FGD6: variants seen among roughly 807,000 people sequenced by gnomAD.
FGD6 encodes FYVE, RhoGEF and PH domain containing 6.
A neutral mutation model predicts 149.4 loss-of-function variants in FGD6; 90 were observed. The ratio of observed to expected loss-of-function variants is 0.60; its 90% CI spans 0.51 to 0.72. FGD6 has a LOEUF of 0.72. FGD6 is among the 30% of genes least tolerant of loss of function. FGD6 has a pLI of 0.00. For synonymous variants in FGD6, 527 were observed against 584.0 expected (o/e 0.90, Z 1.41); for missense variants, 1,437 against 1,684.8 (o/e 0.85, Z 2.57).
chr12:95,101,681 CTTTTTTTTTTTT>C (rs757955014), intron 14 of FGD6, among the ~76,000 whole-genome samples: 1 of 107,808 alleles, frequency 9.3e-6, no homozygotes, highest in South Asian at 3.2e-4. Flanking sequence ...TTTGAACTTT[CTTTTTTTTTTTT>C]TTTTTTTTGA....
chr12:95,149,271 T>TATATAATATTATATATATTATATA (rs1565908975), intron 5 of FGD6, among the ~76,000 whole-genome samples: 1 of 6,822 alleles, frequency 1.5e-4, no homozygotes, highest in Non-Finnish European at 1.8e-4. Flanking sequence ...TATATTATAT[T>TATATAATATTATATATATTATATA]ACATATAGCA....
At chr12:95,164,582 T>C (rs1314282757) in intron 3 of FGD6, among the ~76,000 whole-genome samples, 1 of 151,968 alleles carries the variant, frequency 6.6e-6, no homozygotes, top group Non-Finnish European at 1.5e-5. Context: ...AGGTACACAC[T>C]GCTGTGCCTA....
At chr12:95,104,368 G>A (rs1478838991) in intron 14 of FGD6, among the ~76,000 whole-genome samples, 3 of 152,138 alleles carry the variant, frequency 2.0e-5, no homozygotes, top group African/African-American at 7.2e-5. Flanking sequence ...GGAAGCTAAG[G>A]TGGGAAGATT....
chr12:95,121,718 T>TGC (rs1555218236), intron 8 of FGD6, among the ~76,000 whole-genome samples: 2 of 151,816 alleles, frequency 1.3e-5, no homozygotes, highest in Admixed American at 6.6e-5. Context: ...TGCAGTGGCA[T>TGC]GATCTTGGCT....
chr12:95,085,469 G>A (rs1361974301), intron 19 of FGD6: 1 of 323,132 alleles, frequency 3.1e-6, no homozygotes, highest in Non-Finnish European at 5.5e-6. Context: ...CTCCCAAAGT[G>A]CTGGGATTAC....
chr12:95,213,954 T>C (rs1312065340), intron 1 of FGD6, among the ~76,000 whole-genome samples: 2 of 152,254 alleles, frequency 1.3e-5, no homozygotes, highest in Non-Finnish European at 2.9e-5. Flanking sequence ...TGTACAGACC[T>C]GGCTGCCTCA....
At chr12:95,164,366 T>C (rs7308154) in intron 3 of FGD6, among the ~76,000 whole-genome samples, 12,244 of 151,862 alleles carry the variant, frequency 0.081, 735 homozygotes, top group Non-Finnish European at 0.1. Context: ...CTCAGCAGCT[T>C]TGTAAATTCT....
intron 18 of FGD6, 147 bp downstream of exon 18, chr12:95,089,422 C>T: frequency 2.0e-6 from 2 of 1,002,494 alleles, no homozygotes; most frequent in East Asian, 2.7e-5. Context: ...GATTGTGAGG[C>T]ATCAGCCACA....
intron 3 of FGD6, among the ~76,000 whole-genome samples, chr12:95,158,253 C>T (rs138540798): frequency 0.018 from 2,665 of 150,538 alleles, 81 homozygotes; most frequent in African/African-American, 0.06. Context: ...CTGCAATCTC[C>T]GCCTCTTGGG....
rs1471502058 is a variant in FGD6, at chr12:95,083,032, C to CACACAT, written c.4256+1465_4256+1466insATGTGT. Among the ~76,000 whole-genome samples the CACACAT allele has an allele frequency of 9.4e-3, 694 of 73,654 alleles. 6 individuals are homozygous for CACACAT. Among genetic ancestry groups the CACACAT allele is most frequent in the Middle Eastern group, 0.017 (2 of 116 alleles). The allele number at this position is 73,654 out of a possible 152,430, so 48.3% of individuals were successfully genotyped here. On this transcript the variant is annotated intron_variant, in intron 20 of 20. Transcript: ENST00000343958. ...AAAAAAATATATATATATATATATA[C>CACACAT]ACACACATACACACACACACACACA...
intron 8 of FGD6, among the ~76,000 whole-genome samples, chr12:95,119,669 A>G (rs767533510): frequency 6.6e-6 from 1 of 152,140 alleles, no homozygotes; most frequent in Non-Finnish European, 1.5e-5. Context: ...GGTGGCTTAC[A>G]CCTGTAATCT....
At chr12:95,116,620 A>G (rs2136246080) in intron 8 of FGD6, among the ~76,000 whole-genome samples, 1 of 152,344 alleles carries the variant, frequency 6.6e-6, no homozygotes, top group East Asian at 1.9e-4. Flanking sequence ...TACACTGAGC[A>G]GAAAACCCAC....
chr12:95,213,736 G>A (rs2056739287), intron 1 of FGD6, among the ~76,000 whole-genome samples: 1 of 152,150 alleles, frequency 6.6e-6, no homozygotes, highest in African/African-American at 2.4e-5. Context: ...TCCTGTTCTA[G>A]TGTCACAGAA....
At chr12:95,117,978 T>C (rs1021496445) in intron 8 of FGD6, among the ~76,000 whole-genome samples, 19 of 149,252 alleles carry the variant, frequency 1.3e-4, no homozygotes, top group African/African-American at 4.7e-4. Context: ...GAGGCAGAGG[T>C]TGCAGTGAGC....
At chr12:95,111,499 T>C (rs1364937474) in intron 9 of FGD6, among the ~76,000 whole-genome samples, 1 of 152,304 alleles carries the variant, frequency 6.6e-6, no homozygotes, top group Non-Finnish European at 1.5e-5. Context: ...TTCTATTCTA[T>C]AAGTTCCATG....
intron 15 of FGD6, 59 bp from the exon 16 acceptor site, chr12:95,092,904 G>T: frequency 1.3e-6 from 2 of 1,542,010 alleles, no homozygotes. Flanking sequence ...TTTTTATTCG[G>T]CAGTGGCATC....
At chr12:95,191,667 C>CA (rs1211260982) in intron 2 of FGD6, among the ~76,000 whole-genome samples, 4 of 152,192 alleles carry the variant, frequency 2.6e-5, no homozygotes, top group Non-Finnish European at 4.4e-5. Flanking sequence ...GACCAAACTC[C>CA]ATGGATGCTC....
chr12:95,159,869 T>C (rs1880585842), intron 3 of FGD6, among the ~76,000 whole-genome samples: 1 of 152,096 alleles, frequency 6.6e-6, no homozygotes. Context: ...TAGCCAGGCA[T>C]AATGGCACAC....
At chr12:95,107,168 T>C (rs960092145) in intron 12 of FGD6, 131 bp from the exon 13 acceptor site, 5 of 671,250 alleles carry the variant, frequency 7.4e-6, no homozygotes, top group Admixed American at 5.9e-5. Context: ...ATACTTATAT[T>C]CTGCTATATA....
Sources: gnomAD v4.1 joint callset for allele counts (sites outside exome capture counted in the v4.1 genomes callset) on GRCh38, gnomAD v4.1.1 for gene constraint, MANE v1.5 for transcripts, NCBI Gene and HGNC (gene_info 2026-07-23, HGNC 2026-07-21) for gene names.